Variants in STXBP6 observed in about 807,000 individuals in gnomAD.
STXBP6 encodes syntaxin-binding protein 6.
A neutral mutation model predicts 26.9 loss-of-function variants in STXBP6; 21 were observed. That is an observed-to-expected ratio of 0.78 (90% CI 0.55 to 1.12). The LOEUF (loss-of-function observed/expected upper bound fraction) is 1.12. STXBP6 is among the 50% of genes most tolerant of loss of function. The probability of loss-of-function intolerance (pLI) is 0.00; values close to 1 mark genes in which losing one functional copy is unlikely to be tolerated. For missense variants in STXBP6, 232 were observed against 257.9 expected (o/e 0.90, Z 0.69); for synonymous variants, 97 against 92.6 (o/e 1.05, Z -0.27).
At chr14:25,020,771 C>T (rs190056468) in intron 1 of STXBP6, among the ~76,000 whole-genome samples, 123 of 152,266 alleles carry the variant, frequency 8.1e-4, no homozygotes, top group Non-Finnish European at 1.6e-3. Context: ...TTCTAATGGT[C>T]GTGGTTTTGA....
Position 24,834,652 on chromosome 14 carries a change from G to A in STXBP6, c.452-15458C>T, listed in dbSNP as rs1413173549. On this transcript the variant is annotated intron_variant, in intron 4 of 5. Transcript: ENST00000323944. ...ATGATTTGGTTGGGGTGGGAATAAT[G>A]AGAGGAATTAAGGTACTAGTGATTA... 3.3e-5 allele frequency among the ~76,000 whole-genome samples: 5 copies of A among 152,290 alleles called. No individual in the cohort carries two copies. In the East Asian group the frequency reaches 5.8e-4, roughly 18 times the overall value.
At chr14:24,832,925 C>T (rs959935579) in intron 4 of STXBP6, among the ~76,000 whole-genome samples, 6 of 152,164 alleles carry the variant, frequency 3.9e-5, no homozygotes, top group Admixed American at 6.5e-5. Flanking sequence ...CATTCATTAT[C>T]CTATTAGTCC....
In STXBP6 at chr14:24,972,661, T is replaced by C. The variant is rs150264614; in HGVS notation, c.154+2004A>G. Among the ~76,000 whole-genome samples, 276 of 152,338 alleles carry C rather than the reference T, an allele frequency of 1.8e-3. 1 individual carries two copies. The highest frequency in any genetic ancestry group is 6.3e-3 in the African/African-American group (261 of 41,576). ...TCTTTATTTAAGTGTATTCTATTCA[T>C]TGTTTGCGTAAGCAGAACTGTGGAA... On this transcript the variant is annotated intron_variant, in intron 2 of 5. Coordinates refer to ENST00000323944, the MANE Select transcript of STXBP6 (RefSeq NM_001394410.1).
intron 2 of STXBP6, among the ~76,000 whole-genome samples, chr14:24,962,842 T>G (rs558894550): frequency 1.3e-5 from 2 of 151,962 alleles, no homozygotes; most frequent in African/African-American, 4.8e-5. Flanking sequence ...ATGGGTATTC[T>G]TTTTTTAAAG....
At chr14:25,017,680 C>T (rs1402537314) in intron 1 of STXBP6, among the ~76,000 whole-genome samples, 2 of 152,152 alleles carry the variant, frequency 1.3e-5, no homozygotes, top group Admixed American at 1.3e-4. Context: ...CTAAGTAATC[C>T]CTGGGGAACA....
intron 2 of STXBP6, among the ~76,000 whole-genome samples, chr14:24,876,117 A>G (rs996513280): frequency 2.2e-4 from 34 of 152,156 alleles, no homozygotes; most frequent in Non-Finnish European, 2.4e-4. Flanking sequence ...GGAAAAGAGA[A>G]GCAAGGCAGA....
At chr14:24,820,629 C>T (rs1466407607) in intron 4 of STXBP6, among the ~76,000 whole-genome samples, 2 of 152,112 alleles carry the variant, frequency 1.3e-5, no homozygotes, top group Non-Finnish European at 2.9e-5. Flanking sequence ...AAATCTTGGT[C>T]CCCTTTGCTT....
At chr14:24,835,314 G>A (rs867842851) in intron 4 of STXBP6, among the ~76,000 whole-genome samples, 8 of 149,776 alleles carry the variant, frequency 5.3e-5, no homozygotes, top group Admixed American at 2.7e-4. Context: ...ACTGAGACCC[G>A]GAGCCGTGTT....
At chr14:24,988,546 T>G (rs1161686502) in intron 1 of STXBP6, among the ~76,000 whole-genome samples, 1 of 152,148 alleles carries the variant, frequency 6.6e-6, no homozygotes, top group Non-Finnish European at 1.5e-5. Context: ...ATTAATTAAG[T>G]CTGCCTGCAT....
intron 2 of STXBP6, among the ~76,000 whole-genome samples, chr14:24,891,062 T>C (rs2070768711): frequency 6.6e-6 from 1 of 152,248 alleles, no homozygotes; most frequent in African/African-American, 2.4e-5. Context: ...TTCTTGTATC[T>C]GTCTTCCTCT....
chr14:24,974,610 G>C (rs1688512415), intron 2 of STXBP6, 55 bp downstream of exon 2: 1 of 1,457,282 alleles, frequency 6.9e-7, no homozygotes, highest in African/African-American at 1.4e-5. Context: ...ACCTCAGAAT[G>C]AACTGTTTTA....
At chr14:24,941,528 G>A (rs965652701) in intron 2 of STXBP6, among the ~76,000 whole-genome samples, 26 of 152,188 alleles carry the variant, frequency 1.7e-4, no homozygotes, top group African/African-American at 6.0e-4. Flanking sequence ...GTAGGGAAAA[G>A]GGTGGCTAGA....
chr14:24,988,922 A>T (rs536873776), intron 1 of STXBP6, among the ~76,000 whole-genome samples: 2 of 152,324 alleles, frequency 1.3e-5, no homozygotes, highest in Admixed American at 1.3e-4. Flanking sequence ...GCAGAAAACT[A>T]CTTTAAAAAT....
intron 2 of STXBP6, among the ~76,000 whole-genome samples, chr14:24,946,805 T>C (rs1253099669): frequency 6.6e-6 from 1 of 152,108 alleles, no homozygotes; most frequent in Non-Finnish European, 1.5e-5. Flanking sequence ...AACAGTTTCA[T>C]AGGGCAGATT....
intron 1 of STXBP6, among the ~76,000 whole-genome samples, chr14:25,024,585 A>G (rs930217062): frequency 6.6e-6 from 1 of 152,184 alleles, no homozygotes; most frequent in African/African-American, 2.4e-5. Flanking sequence ...TTAGTAAAGG[A>G]CAATCAACAA....
intron 1 of STXBP6, among the ~76,000 whole-genome samples, chr14:25,021,243 A>C (rs1005065574): frequency 1.3e-5 from 2 of 151,996 alleles, no homozygotes; most frequent in South Asian, 4.2e-4. Context: ...TCTTAGGCCA[A>C]CCACTCCATT....
intron 1 of STXBP6, among the ~76,000 whole-genome samples, chr14:24,998,132 C>T (rs2074653756): frequency 6.6e-6 from 1 of 151,930 alleles, no homozygotes; most frequent in African/African-American, 2.4e-5. Context: ...ACCCTCTACC[C>T]CTAGTGTGTA....
intron 2 of STXBP6, among the ~76,000 whole-genome samples, chr14:24,962,270 G>A (rs984284192): frequency 2.6e-5 from 4 of 151,498 alleles, no homozygotes; most frequent in Non-Finnish European, 4.4e-5. Context: ...GTTGTTAAGC[G>A]CACAAAGTAC....
intron 2 of STXBP6, among the ~76,000 whole-genome samples, chr14:24,911,430 G>GGAAA (rs2071570811): frequency 6.6e-6 from 1 of 150,922 alleles, no homozygotes; most frequent in South Asian, 2.1e-4. Context: ...AGGAAAGGAA[G>GGAAA]GAAAGAAAGA....
Sources: allele counts gnomAD v4.1 joint callset (sites outside exome capture counted in the v4.1 genomes callset), GRCh38; gene constraint gnomAD v4.1.1; transcripts MANE v1.5; gene names NCBI Gene and HGNC (gene_info 2026-07-23, HGNC 2026-07-21).